UBXN11: variants seen among roughly 807,000 people sequenced by gnomAD.
The protein encoded by UBXN11 is UBX domain-containing protein 11.
Under a neutral mutation model 62.8 loss-of-function variants are expected in UBXN11, and 47 were observed. That is an observed-to-expected ratio of 0.75 (90% CI 0.59 to 0.95). UBXN11 has a LOEUF of 0.95. UBXN11 is among the 40% of genes least tolerant of loss of function. The pLI is 0.00. For missense variants in UBXN11, 638 were observed against 661.7 expected (o/e 0.96, Z 0.39); for synonymous variants, 294 against 267.0 (o/e 1.10, Z -0.99).
At chr1:26,306,318 C>G (rs140518442) in intron 1 of UBXN11, 1 of 152,380 alleles carries the variant, frequency 6.6e-6, no homozygotes, top group Non-Finnish European at 1.5e-5. Flanking sequence ...CTCGGCCTCT[C>G]CGTCATCCCC....
In UBXN11 at chr1:26,284,408, G is replaced by A. The variant is rs2073076987; in HGVS notation, c.927C>T (p.Gly309=). The stretch of plus-strand genomic sequence containing the variant: ...CCAAGGCCTTGTGCATCAGCTGCCT[G>A]CCCACCACACGGCCCTCGCCTGGGA... ...DPFPGEGRVV[G]RQLMHKALDR... Residue 309 remains glycine, a synonymous_variant, in exon 11 of 15, where the codon GGC becomes GGT. Transcript: ENST00000374222. The A allele has an allele frequency of 6.2e-7, 1 of 1,613,936 alleles. No individual in the cohort carries two copies. The highest frequency in any genetic ancestry group is 8.5e-7 in the Non-Finnish European group (1 of 1,179,868).
chr1:26,312,260 C>T (rs12089219), intron 1 of UBXN11, among the ~76,000 whole-genome samples: 24,212 of 151,280 alleles, frequency 0.16, 1,989 homozygotes, highest in Middle Eastern at 0.21. Flanking sequence ...TATAGCATTT[C>T]TTTTTTTTTG....
chr1:26,309,721 G>C (rs939998286), upstream of UBXN11, among the ~76,000 whole-genome samples: 1 of 152,038 alleles, frequency 6.6e-6, no homozygotes, highest in Non-Finnish European at 1.5e-5. Context: ...TTAATAGCTG[G>C]CTGTTCCTGC....
chr1:26,296,455 C>A (rs541319522), intron 7 of UBXN11, among the ~76,000 whole-genome samples: 6 of 152,122 alleles, frequency 3.9e-5, no homozygotes, highest in African/African-American at 1.4e-4. Flanking sequence ...GTGGAACTGA[C>A]CTGGGGGAGG....
intron 3 of UBXN11, 25 bp downstream of exon 3, chr1:26,301,668 AG>A: frequency 6.2e-7 from 1 of 1,613,174 alleles, no homozygotes; most frequent in Non-Finnish European, 8.5e-7. Context: ...AGAGGCGAAG[AG>A]GGCACGAGGG....
At position 26,301,134 on chromosome 1, in the gene UBXN11, T is replaced by C. The variant is rs144998555; in HGVS notation, c.101-110A>G. The C allele has an allele frequency of 2.2e-4, 352 of 1,566,614 alleles. 1 individual carries two copies. The African/African-American group carries it at 3.7e-3, about 16-fold the overall frequency. On this transcript the variant is annotated intron_variant, in intron 3 of 14. Transcript: ENST00000374222. ...GCCTATGCACTGTGCCCCAGGGAGTTTGAGGAGAGAGAATTCACAAGGCTG... is the reference window on the plus strand; with the variant it reads ...GCCTATGCACTGTGCCCCAGGGAGTCTGAGGAGAGAGAATTCACAAGGCTG...
At position 26,282,681 on chromosome 1, in the gene UBXN11, A is replaced by G. The variant is rs777983942; in HGVS notation, c.1260T>C (p.Ile420=). The G allele has an allele frequency of 2.5e-6, 4 of 1,613,996 alleles. No homozygotes were observed. The African/African-American group carries it at 4.0e-5, about 16-fold the overall frequency. Residue 420 remains isoleucine, a synonymous_variant, in exon 14 of 15, where the codon ATT becomes ATC. Coordinates refer to ENST00000374222, the MANE Select transcript of UBXN11 (RefSeq NM_001389556.1). ...FLLMMQPDNT[I]GDVRALLAQA... ...GCGCTAGCAGAGCTCGCACGTCCCC[A>G]ATGGTGTTGTCAGGCTGCATCATCA...
chr1:26,311,786 T>A (rs1570146841), intron 1 of UBXN11, among the ~76,000 whole-genome samples: 2 of 152,158 alleles, frequency 1.3e-5, no homozygotes, highest in African/African-American at 4.8e-5. Context: ...TGCTTTTAGG[T>A]CATTTCCTGA....
At chr1:26,287,140 A>G (rs1487041163) in intron 8 of UBXN11, among the ~76,000 whole-genome samples, 2 of 152,110 alleles carry the variant, frequency 1.3e-5, no homozygotes, top group African/African-American at 4.8e-5. Context: ...TCCCCCACCC[A>G]TCTGCACCAT....
intron 2 of UBXN11, 141 bp downstream of exon 2, chr1:26,302,672 G>GA: frequency 1.1e-6 from 1 of 941,878 alleles, no homozygotes; most frequent in East Asian, 2.7e-5. Flanking sequence ...AAGGTATAAA[G>GA]AAAAAGACAG....
At chr1:26,307,370 C>G (rs2073690323), upstream of UBXN11, among the ~76,000 whole-genome samples, 1 of 152,156 alleles carries the variant, frequency 6.6e-6, no homozygotes, top group African/African-American at 2.4e-5. Context: ...ATAATACCTA[C>G]CCCCACTGGG....
chr1:26,286,786 C>T (rs2124637359), intron 8 of UBXN11, among the ~76,000 whole-genome samples: 1 of 152,280 alleles, frequency 6.6e-6, no homozygotes, highest in Non-Finnish European at 1.5e-5. Context: ...CGCAACCTTG[C>T]CTCCTGGGTT....
rs1557677229 is a variant in UBXN11 at position 26,282,333 on chromosome 1, C to CCAGGACTGAAT, written c.1528_1529insATTCAGTCCTG (p.Ser510AsnfsTer?). The CCAGGACTGAAT allele has an allele frequency of 1.3e-6, 1 of 741,748 alleles. No individual in the cohort carries two copies. The highest frequency in any genetic ancestry group is 1.7e-6 in the Non-Finnish European group (1 of 577,098). 45.9% of individuals were successfully genotyped at this position (741,748 alleles called of 1,614,324 possible). A position where few individuals can be genotyped will look rare whatever the true frequency, so the allele number is the denominator to read the frequency against. ...GCTGGGACTGGGTCCAGGACAGGGA[C>CCAGGACTGAAT]TGGGGCCGGGACCGGGACCGGGACT... On this transcript the variant is annotated frameshift_variant, in exon 15 of 15. Transcript: ENST00000374222. LOFTEE classifies it high-confidence loss of function.
Position 26,297,491 on chromosome 1 carries a change from A to G in UBXN11, c.301-10T>C, listed in dbSNP as rs1463023871. ...CCGCTATCTTCTGATCCTGTAGCAT[A>G]AGACACAGGGTGAGCACAGGGCCTG... On this transcript the variant is annotated splice_polypyrimidine_tract_variant and intron_variant, in intron 5 of 14. Coordinates refer to ENST00000374222, the MANE Select transcript of UBXN11 (RefSeq NM_001389556.1). 1 of 1,552,244 alleles carries G rather than the reference A, an allele frequency of 6.4e-7. No individual in the cohort carries two copies. Among genetic ancestry groups the G allele is most frequent in the Non-Finnish European group, 8.7e-7 (1 of 1,147,756 alleles).
intron 1 of UBXN11, among the ~76,000 whole-genome samples, chr1:26,317,724 G>C (rs1371843638): frequency 6.6e-6 from 1 of 151,976 alleles, no homozygotes; most frequent in Admixed American, 6.6e-5. Flanking sequence ...TCCAGGCCTT[G>C]GGCCCTACTT....
At position 26,290,519 on chromosome 1, in the gene UBXN11, T is replaced by C. The variant is rs143758007; in HGVS notation, c.559+3686A>G. ...GGGGAGGGAAGCGGGCAAGGCGCTC[T>C]GTGGGGACAGAGCAGGAGCAAAGGC... On this transcript the variant is annotated intron_variant, in intron 8 of 14. Transcript: ENST00000374222. Among the ~76,000 whole-genome samples the C allele has an allele frequency of 1.3e-3, 195 of 152,214 alleles. 1 individual carries two copies. The highest frequency in any genetic ancestry group is 4.5e-3 in the African/African-American group (188 of 41,540).
chr1:26,317,865 C>T, intron 1 of UBXN11: 2 of 660,012 alleles, frequency 3.0e-6, no homozygotes, highest in Non-Finnish European at 2.7e-6. Context: ...AGCCACACCC[C>T]TCCTCCACCT....
chr1:26,297,240 G>T (rs948403055), intron 6 of UBXN11, among the ~76,000 whole-genome samples, 187 bp downstream of exon 6: 3 of 152,186 alleles, frequency 2.0e-5, no homozygotes, highest in Non-Finnish European at 4.4e-5. Context: ...ATGTAGGAGG[G>T]CATGGAGTGA....
intron 6 of UBXN11, 136 bp downstream of exon 6, chr1:26,297,291 C>T: frequency 9.3e-7 from 1 of 1,071,266 alleles, no homozygotes; most frequent in Admixed American, 2.9e-5. Flanking sequence ...CCTCTGTGGG[C>T]TCAGCTGTCC....
Sources: allele counts gnomAD v4.1 joint callset (sites outside exome capture counted in the v4.1 genomes callset), GRCh38; gene constraint gnomAD v4.1.1; transcripts MANE v1.5; gene names NCBI Gene and HGNC (gene_info 2026-07-23, HGNC 2026-07-21).